Variants in SEC14L1 observed in about 807,000 individuals in gnomAD.
SEC14L1 encodes the protein SEC14 like lipid binding 1, also known as SEC14-like protein 1.
SEC14L1 carries 48 observed loss-of-function variants against 85.3 expected under a neutral mutation model. That is an observed-to-expected ratio of 0.56 (90% CI 0.45 to 0.72). The LOEUF is 0.72. Among genes scored for constraint, SEC14L1 ranks in the 30% least tolerant of loss-of-function variants. SEC14L1 has a pLI of 0.00. For missense variants in SEC14L1, 682 were observed against 921.4 expected, an observed-to-expected ratio of 0.74 and a Z score of 3.36; for synonymous variants, 391 against 355.5, an observed-to-expected ratio of 1.10 and a Z score of -1.12.
rs1056532597 is a variant in SEC14L1, at chr17:77,206,464, A to G, written c.1341+64A>G. 1.4e-5 allele frequency: 21 copies of G among 1,530,250 alleles called. No homozygotes were observed. Among genetic ancestry groups the G allele is most frequent in the Non-Finnish European group, 1.9e-5 (21 of 1,119,352 alleles). The allele number at this position is 1,530,250 out of a possible 1,614,324, so 94.8% of individuals were successfully genotyped here. ...TGGAAAGCAGATAACATGCATTCAT[A>G]TACACGTGTCTGTGACCTAAAGTCT... is the stretch of plus-strand genomic sequence containing the variant. On this transcript the variant is annotated intron_variant, in intron 12 of 16. Transcript: ENST00000436233. The surrounding 1 kb of genome is among the most constrained non-coding windows in gnomAD (Gnocchi z 4.3).
intron 3 of SEC14L1, among the ~76,000 whole-genome samples, chr17:77,118,886 G>C (rs1972236196): frequency 6.6e-6 from 1 of 152,166 alleles, no homozygotes; most frequent in Non-Finnish European, 1.5e-5. Context: ...GTACTTTCCA[G>C]AAACCATCCC....
At position 77,214,716 on chromosome 17, in the gene SEC14L1, CCTT is replaced by C. The variant is rs1976954299; in HGVS notation, c.*694_*696del. 1.0e-6 allele frequency: 1 copy of C among 985,430 alleles called. No individual in the cohort carries two copies. The highest frequency in any genetic ancestry group is 1.2e-6 in the Non-Finnish European group (1 of 830,022). 61.0% of individuals were successfully genotyped at this position (985,430 alleles called of 1,614,324 possible). A position where few individuals can be genotyped will look rare whatever the true frequency, so the allele number is the denominator to read the frequency against. The stretch of plus-strand genomic sequence containing the variant: ...CGTTAAACATTACTTTCTCTTTCCT[CCTT>C]TTCAAATCTTTTTGATACTTTTTAG... On this transcript the variant is annotated 3_prime_UTR_variant, in exon 17 of 17. Coordinates refer to ENST00000436233, the MANE Select transcript of SEC14L1 (RefSeq NM_001143998.2).
At chr17:77,145,317 G>A (rs1324200774) in intron 3 of SEC14L1, among the ~76,000 whole-genome samples, 1 of 152,054 alleles carries the variant, frequency 6.6e-6, no homozygotes, top group Non-Finnish European at 1.5e-5. Context: ...CAGTGAAATG[G>A]TCACGTGTCA....
At chr17:77,123,497 C>T (rs1196625840) in intron 3 of SEC14L1, among the ~76,000 whole-genome samples, 1 of 149,604 alleles carries the variant, frequency 6.7e-6, no homozygotes, top group African/African-American at 2.5e-5. Flanking sequence ...CTGCAACCTC[C>T]GCCTTCTGGG....
At chr17:77,103,307 T>C (rs1355101449) in intron 3 of SEC14L1, among the ~76,000 whole-genome samples, 2 of 151,876 alleles carry the variant, frequency 1.3e-5, no homozygotes, top group African/African-American at 4.8e-5. Flanking sequence ...GAAATGGGGT[T>C]TCACCATGTT....
At position 77,216,277 on chromosome 17, in the gene SEC14L1, T is replaced by TTAGTAGGTAGGGTTCGTAGGTAGGGC. The variant is rs1977079998; in HGVS notation, c.*2267_*2292dup. 1.7e-6 allele frequency: 2 copies of TTAGTAGGTAGGGTTCGTAGGTAGGGC among 1,193,358 alleles called. No individual in the cohort carries two copies. Among genetic ancestry groups the TTAGTAGGTAGGGTTCGTAGGTAGGGC allele is most frequent in the Non-Finnish European group, 1.0e-6 (1 of 955,130 alleles). 73.9% of individuals were successfully genotyped at this position (1,193,358 alleles called of 1,614,324 possible). A position where few individuals can be genotyped will look rare whatever the true frequency, so the allele number is the denominator to read the frequency against. ...TCGTAGGTAGGGTTCGTAGGTAGGG[T>TTAGTAGGTAGGGTTCGTAGGTAGGGC]TAGTAGGTAGGGTTCGTAGGTAGGG... On this transcript the variant is annotated 3_prime_UTR_variant, in exon 17 of 17. Transcript: ENST00000436233.
intron 8 of SEC14L1, chr17:77,199,393 G>A (rs9904173): frequency 0.63 from 100,094 of 159,494 alleles, 31,616 homozygotes; most frequent in Middle Eastern, 0.71. Context: ...ATTGGCATCT[G>A]TGTATAAGAG....
Position 77,190,896 on chromosome 17 carries a change from C to T in SEC14L1, c.157C>T (p.His53Tyr). The T allele has an allele frequency of 6.2e-7, 1 of 1,614,170 alleles. No homozygotes were observed. Among genetic ancestry groups the T allele is most frequent in the Non-Finnish European group, 8.5e-7 (1 of 1,180,038 alleles). Residue 53 changes from histidine to tyrosine, a missense_variant, in exon 4 of 17, where the codon CAT becomes TAT. His to Tyr is a moderately conservative substitution (Grantham distance 83). This residue lies in a region of SEC14L1 where 139 missense variants were observed against 201.3 expected (regional missense o/e 0.69). Coordinates refer to ENST00000436233, the MANE Select transcript of SEC14L1 (RefSeq NM_001143998.2). ...ATTCAAGAGCGAAGATGGGGCTATT[C>T]ATGTCATTGAAAGGCGCTGCAAGCT... ...NEFKSEDGAIHVIERRCKLDV... is the reference protein window; with the variant it reads ...NEFKSEDGAIYVIERRCKLDV...
chr17:77,198,080 A>G (rs1007838055), intron 8 of SEC14L1, among the ~76,000 whole-genome samples: 23 of 152,268 alleles, frequency 1.5e-4, no homozygotes, highest in Non-Finnish European at 2.9e-5. Context: ...CTTATTTGAT[A>G]TTACACATAA....
intron 3 of SEC14L1, among the ~76,000 whole-genome samples, chr17:77,114,541 AAGGC>A (rs1972124443): frequency 6.7e-6 from 1 of 149,274 alleles, no homozygotes; most frequent in Admixed American, 6.7e-5. Context: ...ACAAACAAAA[AAGGC>A]AGGCACTGGC....
At chr17:77,103,853 C>T (rs1388883549) in intron 3 of SEC14L1, among the ~76,000 whole-genome samples, 2 of 150,522 alleles carry the variant, frequency 1.3e-5, no homozygotes, top group South Asian at 2.1e-4. Flanking sequence ...CAATGCACAG[C>T]GGGAAGACCG....
Position 77,196,331 on chromosome 17 carries a change from C to G in SEC14L1, c.819+20C>G, listed in dbSNP as rs774141195. ...GGCAAAGTGAGTGTCAGCACCACAC[C>G]CAGTGTGCAGGGCCAGAGCTACGTG... On this transcript the variant is annotated intron_variant, in intron 8 of 16. Transcript: ENST00000436233. The G allele has an allele frequency of 6.9e-7, 1 of 1,458,052 alleles. No individual in the cohort carries two copies. The highest frequency in any genetic ancestry group is 9.6e-7 in the Non-Finnish European group (1 of 1,039,868). 90.3% of individuals were successfully genotyped at this position (1,458,052 alleles called of 1,614,324 possible). A position where few individuals can be genotyped will look rare whatever the true frequency, so the allele number is the denominator to read the frequency against.
intron 3 of SEC14L1, among the ~76,000 whole-genome samples, chr17:77,179,772 T>A (rs1011449626): frequency 2.0e-5 from 3 of 151,972 alleles, no homozygotes; most frequent in African/African-American, 7.3e-5. Flanking sequence ...CCTCCCAGGT[T>A]CATGCCATTC....
At chr17:77,204,522 C>CATTT (rs1555628453) in intron 10 of SEC14L1, among the ~76,000 whole-genome samples, 2 of 84,728 alleles carry the variant, frequency 2.4e-5, no homozygotes, top group African/African-American at 4.0e-5. Context: ...GCCCAGCCAG[C>CATTT]TTTTTTTTTT....
intron 3 of SEC14L1, among the ~76,000 whole-genome samples, chr17:77,124,778 G>T (rs1047434286): frequency 6.6e-6 from 1 of 152,112 alleles, no homozygotes; most frequent in Admixed American, 6.5e-5. Context: ...CCTTTCAGCA[G>T]GTTGGAACTG....
At chr17:77,127,809 G>A (rs565121284) in intron 3 of SEC14L1, 1 of 152,192 alleles carries the variant, frequency 6.6e-6, no homozygotes, top group Non-Finnish European at 1.5e-5. Context: ...GATCATCGTG[G>A]ATTTAGGGTC....
Position 77,213,832 on chromosome 17 carries a change from G to T in SEC14L1, c.2043-86G>T. 6.6e-7 allele frequency: 1 copy of T among 1,504,328 alleles called. No homozygotes were observed. The highest frequency in any genetic ancestry group is 1.1e-5 in the South Asian group (1 of 88,688). The allele number at this position is 1,504,328 out of a possible 1,614,324, so 93.2% of individuals were successfully genotyped here. On this transcript the variant is annotated intron_variant, in intron 16 of 16. Coordinates refer to ENST00000436233, the MANE Select transcript of SEC14L1 (RefSeq NM_001143998.2). This position sits in a 1 kb window ranked among gnomAD's most constrained non-coding sequence, Gnocchi z 7.1. ...ATGAGAAGTGAGCAGAGAACAGGGT[G>T]GGCCACGAAGTCCAGCAGGCAGTGT...
upstream of SEC14L1, among the ~76,000 whole-genome samples, chr17:77,136,659 C>T (rs540052561): frequency 1.3e-5 from 2 of 152,152 alleles, no homozygotes; most frequent in Non-Finnish European, 2.9e-5. Context: ...TGTGTGTGCA[C>T]GTGTTTGTAC....
upstream of SEC14L1, among the ~76,000 whole-genome samples, chr17:77,138,799 G>C (rs73376362): frequency 0.028 from 4,214 of 152,240 alleles, 203 homozygotes; most frequent in African/African-American, 0.096. Context: ...CCTCAAGCCT[G>C]GGGAACAGAG....
Sources: gnomAD v4.1 joint callset for allele counts (sites outside exome capture counted in the v4.1 genomes callset) on GRCh38, gnomAD v4.1.1 for gene constraint, gnomAD v4.1.1 regional missense constraint, Gnocchi (gnomAD v3.1) non-coding constraint, MANE v1.5 for transcripts, NCBI Gene and HGNC (gene_info 2026-07-23, HGNC 2026-07-21) for gene names.